EPHB1: variants seen among roughly 807,000 people sequenced by gnomAD.
EPHB1 encodes ephrin type-B receptor 1.
EPHB1 carries 30 observed loss-of-function variants against 94.4 expected under a neutral mutation model. The ratio of observed to expected loss-of-function variants is 0.32; its 90% CI spans 0.24 to 0.43. The LOEUF is 0.43. Among genes scored for constraint, EPHB1 ranks in the 20% least tolerant of loss-of-function variants. EPHB1 has a pLI of 1.00. For missense variants in EPHB1, 1,055 were observed against 1,308.3 expected, an observed-to-expected ratio of 0.81 and a Z score of 2.99; for synonymous variants, 522 against 489.1, an observed-to-expected ratio of 1.07 and a Z score of -0.89.
chr3:134,942,024 G>T (rs1031825095), intron 2 of EPHB1, among the ~76,000 whole-genome samples: 2 of 152,216 alleles, frequency 1.3e-5, no homozygotes, highest in African/African-American at 4.8e-5. Flanking sequence ...TCAAGGACAG[G>T]TGATCCATTT....
chr3:134,860,585 C>T (rs997221914), intron 1 of EPHB1, among the ~76,000 whole-genome samples: 19 of 152,090 alleles, frequency 1.2e-4, no homozygotes, highest in Admixed American at 7.2e-4. Flanking sequence ...GAGGCCGAGA[C>T]GGGCAGATCA....
At chr3:135,050,269 C>G (rs956319776) in intron 3 of EPHB1, among the ~76,000 whole-genome samples, 1 of 152,118 alleles carries the variant, frequency 6.6e-6, no homozygotes, top group African/African-American at 2.4e-5. Context: ...TTAGACGTGA[C>G]TCTCTTGAAA....
rs997148713 is a variant in EPHB1 at position 135,097,588 on chromosome 3, G to A, written c.806-8860G>A. Among the ~76,000 whole-genome samples the A allele has an allele frequency of 2.0e-5, 3 of 152,128 alleles. 1 individual carries two copies. Among genetic ancestry groups the A allele is most frequent in the Non-Finnish European group, 4.4e-5 (3 of 68,020 alleles). Reference sequence around the variant, plus strand: ...CAACTTCCATGCGGATGCATTCTAGGCTTGCTACTGCTACTGCTGTCTGAA... The same window carrying A: ...CAACTTCCATGCGGATGCATTCTAGACTTGCTACTGCTACTGCTGTCTGAA... On this transcript the variant is annotated intron_variant, in intron 3 of 15. Transcript: ENST00000398015.
At chr3:134,861,148 T>C (rs1431199768) in intron 1 of EPHB1, among the ~76,000 whole-genome samples, 8 of 151,964 alleles carry the variant, frequency 5.3e-5, no homozygotes, top group Admixed American at 2.6e-4. Context: ...GGCATGAGTG[T>C]GGTGAGGAAT....
intron 1 of EPHB1, among the ~76,000 whole-genome samples, chr3:134,866,558 G>T (rs1356789133): frequency 2.0e-5 from 3 of 152,190 alleles, no homozygotes; most frequent in African/African-American, 4.8e-5. Flanking sequence ...CTGCTGGAGT[G>T]GGGGTATGGG....
chr3:134,807,924 G>A (rs1323252227), intron 1 of EPHB1, among the ~76,000 whole-genome samples: 1 of 152,154 alleles, frequency 6.6e-6, no homozygotes, highest in Non-Finnish European at 1.5e-5. Flanking sequence ...AGCATGGAGG[G>A]TGAAGGAGGA....
chr3:135,053,366 C>T (rs1389127859), intron 3 of EPHB1, among the ~76,000 whole-genome samples: 1 of 151,876 alleles, frequency 6.6e-6, no homozygotes, highest in Non-Finnish European at 1.5e-5. Flanking sequence ...AACAGTTTGG[C>T]AGTTACTCAA....
At chr3:135,144,977 G>A (rs1221018394) in intron 5 of EPHB1, among the ~76,000 whole-genome samples, 1 of 152,144 alleles carries the variant, frequency 6.6e-6, no homozygotes, top group Non-Finnish European at 1.5e-5. Context: ...ACAATGAGAA[G>A]AATAATTAAT....
chr3:134,873,771 T>A (rs186001215), intron 1 of EPHB1, among the ~76,000 whole-genome samples: 53 of 152,262 alleles, frequency 3.5e-4, no homozygotes, highest in African/African-American at 1.2e-3. Context: ...GGGAAGTTGG[T>A]ATGAGGTTTA....
At chr3:134,908,914 TAGAG>T (rs2038392927) in intron 1 of EPHB1, among the ~76,000 whole-genome samples, 1 of 151,350 alleles carries the variant, frequency 6.6e-6, no homozygotes, top group Non-Finnish European at 1.5e-5. Context: ...AGGGAACAGA[TAGAG>T]AGATGAAGTG....
At chr3:135,017,145 C>G (rs893054801) in intron 3 of EPHB1, among the ~76,000 whole-genome samples, 2 of 152,210 alleles carry the variant, frequency 1.3e-5, no homozygotes, top group Non-Finnish European at 2.9e-5. Context: ...TTCTAATTCA[C>G]AGCTCTGTGT....
At chr3:134,910,009 C>A (rs562831484) in intron 1 of EPHB1, among the ~76,000 whole-genome samples, 1 of 152,296 alleles carries the variant, frequency 6.6e-6, no homozygotes, top group East Asian at 1.9e-4. Flanking sequence ...TTGGCTGCCT[C>A]CTAGTCCATT....
chr3:135,148,452 G>C (rs1941085938), intron 5 of EPHB1, among the ~76,000 whole-genome samples: 1 of 152,138 alleles, frequency 6.6e-6, no homozygotes, highest in Admixed American at 6.5e-5. Context: ...GACCCAGCCT[G>C]AGTCTCCTGG....
At position 135,213,004 on chromosome 3, in the gene EPHB1, C is replaced by G. The variant is rs577095836; in HGVS notation, c.2346+11315C>G. ...ATTCCCCTATTTTATGCAGTTCTTT[C>G]AAGATCTTTTTAACATCACCATCTT... is the stretch of plus-strand genomic sequence containing the variant. On this transcript the variant is annotated intron_variant, in intron 12 of 15. Transcript: ENST00000398015. 1.5e-3 allele frequency among the ~76,000 whole-genome samples: 227 copies of G among 152,300 alleles called. 1 individual carries two copies. Among genetic ancestry groups the G allele is most frequent in the African/African-American group, 5.1e-3 (212 of 41,562 alleles).
At chr3:135,204,586 C>T (rs944160156) in intron 12 of EPHB1, among the ~76,000 whole-genome samples, 8 of 151,510 alleles carry the variant, frequency 5.3e-5, no homozygotes, top group Non-Finnish European at 8.8e-5. Context: ...TTGCAGCTTC[C>T]GCCTCCTGGG....
intron 13 of EPHB1, among the ~76,000 whole-genome samples, chr3:135,243,920 A>C (rs1164297573): frequency 6.6e-6 from 1 of 151,964 alleles, no homozygotes; most frequent in African/African-American, 2.4e-5. Context: ...GCTTGACTTA[A>C]CCCACTCTGC....
chr3:135,118,209 C>G (rs902073604), intron 4 of EPHB1, among the ~76,000 whole-genome samples: 1 of 152,206 alleles, frequency 6.6e-6, no homozygotes, highest in Non-Finnish European at 1.5e-5. Context: ...CTGCACAGGT[C>G]AGGTTGTGAA....
At chr3:134,829,306 C>A (rs2036539907) in intron 1 of EPHB1, among the ~76,000 whole-genome samples, 1 of 151,948 alleles carries the variant, frequency 6.6e-6, no homozygotes. Flanking sequence ...CAACCCAAAT[C>A]ATGAGAGTTT....
In EPHB1 at chr3:135,256,198, G is replaced by T. The variant is rs549416622; in HGVS notation, c.2847-2814G>T. On this transcript the variant is annotated intron_variant, in intron 15 of 15. Coordinates refer to ENST00000398015, the MANE Select transcript of EPHB1 (RefSeq NM_004441.5). The stretch of plus-strand genomic sequence containing the variant: ...ATTTGCCAGTCTGTGTCTTTTAATT[G>T]GAGCATTTAGTCCATTTACGTTTAA... Among the ~76,000 whole-genome samples the T allele has an allele frequency of 5.6e-3, 858 of 152,142 alleles. 4 individuals are homozygous for T. The highest frequency in any genetic ancestry group is 0.019 in the African/African-American group (796 of 41,492).
Sources: allele counts gnomAD v4.1 joint callset (sites outside exome capture counted in the v4.1 genomes callset), GRCh38; gene constraint gnomAD v4.1.1; transcripts MANE v1.5; gene names NCBI Gene and HGNC (gene_info 2026-07-23, HGNC 2026-07-21).